Variants in SNX29 observed in about 807,000 individuals in gnomAD.
The protein encoded by SNX29 is sorting nexin 29, also known as sorting nexin-29.
In SNX29, 78 loss-of-function variants were observed where a neutral mutation model predicts 102.1. The observed-to-expected ratio is 0.76, with a 90% CI of 0.64 to 0.92. SNX29 has a LOEUF of 0.92. SNX29 is among the 40% of genes least tolerant of loss of function. The pLI is 0.00. For synonymous variants in SNX29, 580 were observed against 414.5 expected (o/e 1.40, Z -4.85); for missense variants, 1,280 against 1,061.7 (o/e 1.21, Z -2.86).
chr16:12,537,910 A>C (rs1450955221), intron 20 of SNX29, among the ~76,000 whole-genome samples: 1 of 151,676 alleles, frequency 6.6e-6, no homozygotes, highest in African/African-American at 2.4e-5. Flanking sequence ...ACTGGAACCC[A>C]GGAGGCAGAG....
At chr16:12,138,968 C>T (rs536572974) in intron 13 of SNX29, among the ~76,000 whole-genome samples, 3 of 151,982 alleles carry the variant, frequency 2.0e-5, no homozygotes, top group South Asian at 2.1e-4. Context: ...TTTGGGAGGC[C>T]GAGGTAGGTG....
At chr16:12,369,749 A>G (rs2082615597) in intron 16 of SNX29, among the ~76,000 whole-genome samples, 1 of 152,248 alleles carries the variant, frequency 6.6e-6, no homozygotes, top group Admixed American at 6.5e-5. Flanking sequence ...TAATAACCAC[A>G]TGATTATGTT....
chr16:12,274,193 C>T (rs879548174), intron 14 of SNX29, among the ~76,000 whole-genome samples: 4 of 152,216 alleles, frequency 2.6e-5, no homozygotes, highest in Non-Finnish European at 5.9e-5. Context: ...GTGTATAAGG[C>T]TCAAAATAAT....
chr16:12,047,876 C>T (rs201621774), intron 6 of SNX29, among the ~76,000 whole-genome samples: 2 of 152,060 alleles, frequency 1.3e-5, no homozygotes, highest in East Asian at 3.9e-4. Flanking sequence ...AGGCTGGTCT[C>T]GAACTCCTGA....
intron 13 of SNX29, among the ~76,000 whole-genome samples, chr16:12,143,555 C>CTAGAAAACCACGGTGG (rs2054942142): frequency 6.6e-6 from 1 of 152,136 alleles, no homozygotes; most frequent in Non-Finnish European, 1.5e-5. Context: ...GGCTCCCTAT[C>CTAGAAAACCACGGTGG]TAGAAAACCA....
chr16:12,505,392 T>C (rs1310559344), intron 19 of SNX29, among the ~76,000 whole-genome samples: 1 of 152,238 alleles, frequency 6.6e-6, no homozygotes, highest in East Asian at 1.9e-4. Context: ...CACATTGAAT[T>C]TTCTTGGCAT....
chr16:12,032,392 G>C (rs1305834030), intron 4 of SNX29, among the ~76,000 whole-genome samples: 2 of 151,924 alleles, frequency 1.3e-5, no homozygotes, highest in Non-Finnish European at 2.9e-5. Context: ...ATTTTTAGTA[G>C]ATACGTGGTT....
intron 15 of SNX29, among the ~76,000 whole-genome samples, chr16:12,321,543 C>T (rs1218796052): frequency 6.6e-6 from 1 of 152,010 alleles, no homozygotes; most frequent in Non-Finnish European, 1.5e-5. Flanking sequence ...TTTGAGAGAG[C>T]GGGGGGAGGA....
chr16:12,289,393 C>T (rs185157198), intron 15 of SNX29, among the ~76,000 whole-genome samples: 1 of 152,228 alleles, frequency 6.6e-6, no homozygotes. Context: ...TGCCTCTGTG[C>T]AGGCATGCTT....
intron 13 of SNX29, among the ~76,000 whole-genome samples, chr16:12,144,571 C>G (rs1233680266): frequency 2.0e-5 from 3 of 152,314 alleles, no homozygotes; most frequent in Non-Finnish European, 4.4e-5. Context: ...CCTATGATGA[C>G]GCAGCAAAGG....
chr16:12,498,402 A>G (rs190953355), intron 19 of SNX29, among the ~76,000 whole-genome samples: 12 of 138,828 alleles, frequency 8.6e-5, no homozygotes, highest in Admixed American at 6.9e-4. Context: ...TTTGGCATTT[A>G]AAAAAAAAAT....
At chr16:12,391,147 T>C (rs1433780613) in intron 16 of SNX29, among the ~76,000 whole-genome samples, 1 of 152,104 alleles carries the variant, frequency 6.6e-6, no homozygotes, top group Non-Finnish European at 1.5e-5. Flanking sequence ...GGTCTCCCTG[T>C]GTTGCCCAGA....
intron 20 of SNX29, among the ~76,000 whole-genome samples, chr16:12,544,456 C>G (rs1597869790): frequency 6.6e-6 from 1 of 152,168 alleles, no homozygotes. Flanking sequence ...TACCCTATCT[C>G]ATTCTGAAGA....
chr16:12,289,165 G>A (rs1167517036), intron 15 of SNX29, among the ~76,000 whole-genome samples: 1 of 152,226 alleles, frequency 6.6e-6, no homozygotes, highest in African/African-American at 2.4e-5. Flanking sequence ...CGTGTGTGCT[G>A]CCTTGGATGG....
chr16:12,340,614 T>A (rs1194512051), intron 15 of SNX29, among the ~76,000 whole-genome samples: 2 of 152,140 alleles, frequency 1.3e-5, no homozygotes, highest in Non-Finnish European at 2.9e-5. Flanking sequence ...AGTGTGAGGT[T>A]ATTATCAGTA....
At chr16:12,042,543 A>T (rs973782009) in intron 4 of SNX29, among the ~76,000 whole-genome samples, 1 of 152,132 alleles carries the variant, frequency 6.6e-6, no homozygotes, top group African/African-American at 2.4e-5. Flanking sequence ...GTGTGTACCC[A>T]GGGTTGAGCT....
At chr16:12,551,689 C>G (rs1034298318) in intron 20 of SNX29, among the ~76,000 whole-genome samples, 1 of 152,194 alleles carries the variant, frequency 6.6e-6, no homozygotes, top group African/African-American at 2.4e-5. Context: ...AAAAGTACCA[C>G]CCTCCTTTCA....
At chr16:12,283,596 G>A (rs968113745) in intron 15 of SNX29, among the ~76,000 whole-genome samples, 5 of 152,204 alleles carry the variant, frequency 3.3e-5, no homozygotes, top group African/African-American at 1.2e-4. Context: ...TGGGATTACA[G>A]GCATGAGCCA....
At chr16:12,232,040 G>T (rs1346839460) in intron 14 of SNX29, among the ~76,000 whole-genome samples, 2 of 152,142 alleles carry the variant, frequency 1.3e-5, no homozygotes, top group African/African-American at 4.8e-5. Context: ...TCATGTCTGG[G>T]AATTGTCATG....
Sources: allele counts gnomAD v4.1 joint callset (sites outside exome capture counted in the v4.1 genomes callset), GRCh38; gene constraint gnomAD v4.1.1; transcripts MANE v1.5; gene names NCBI Gene and HGNC (gene_info 2026-07-23, HGNC 2026-07-21).